CRACR2A: variants seen among roughly 807,000 people sequenced by gnomAD.
CRACR2A encodes calcium release activated channel regulator 2A.
CRACR2A carries 79 observed loss-of-function variants against 90.5 expected under a neutral mutation model. The observed-to-expected ratio is 0.87, with a 90% CI of 0.73 to 1.05. The LOEUF (loss-of-function observed/expected upper bound fraction) is 1.05, where lower values mean the gene tolerates loss of function less well. CRACR2A is among the 50% of genes least tolerant of loss of function. The pLI, the probability that CRACR2A is intolerant of heterozygous loss-of-function variation, is 0.00. For missense variants in CRACR2A, 823 were observed against 897.2 expected, an observed-to-expected ratio of 0.92 and a Z score of 1.06; for synonymous variants, 338 against 356.7, an observed-to-expected ratio of 0.95 and a Z score of 0.59.
At chr12:3,693,751 CA>C (rs1300596091) in intron 4 of CRACR2A, among the ~76,000 whole-genome samples, 1 of 152,086 alleles carries the variant, frequency 6.6e-6, no homozygotes, top group Non-Finnish European at 1.5e-5. Context: ...TTTTTTCTTT[CA>C]TTTCAGTCTT....
intron 8 of CRACR2A, among the ~76,000 whole-genome samples, chr12:3,657,097 T>G (rs1944924665): frequency 6.6e-6 from 1 of 152,186 alleles, no homozygotes; most frequent in African/African-American, 2.4e-5. Flanking sequence ...TGCCTGATGC[T>G]CTCAGCAGAG....
At chr12:3,690,186 C>T (rs915509431) in intron 4 of CRACR2A, among the ~76,000 whole-genome samples, 2 of 151,672 alleles carry the variant, frequency 1.3e-5, no homozygotes, top group African/African-American at 4.8e-5. Flanking sequence ...ATGGTTATTT[C>T]TTGTCTTCTG....
At chr12:3,673,155 TAATA>T (rs1945279771) in intron 7 of CRACR2A, among the ~76,000 whole-genome samples, 1 of 152,196 alleles carries the variant, frequency 6.6e-6, no homozygotes, top group Non-Finnish European at 1.5e-5. Context: ...AATGTGCAGA[TAATA>T]AATGTGCAAA....
intron 2 of CRACR2A, among the ~76,000 whole-genome samples, chr12:3,720,056 T>A (rs1337486111): frequency 2.0e-5 from 3 of 151,108 alleles, no homozygotes; most frequent in African/African-American, 7.3e-5. Context: ...GAGGCAGAAG[T>A]TGCAGTGAGC....
At chr12:3,629,683 T>C (rs10735026) in intron 15 of CRACR2A, among the ~76,000 whole-genome samples, 96,755 of 151,980 alleles carry the variant, frequency 0.64, 30,892 homozygotes, top group Admixed American at 0.7. Context: ...GGGAGTGAGA[T>C]GGGCAAAAGA....
At chr12:3,667,394 G>A (rs764990752) in intron 7 of CRACR2A, among the ~76,000 whole-genome samples, 9 of 152,186 alleles carry the variant, frequency 5.9e-5, no homozygotes, top group South Asian at 2.1e-4. Flanking sequence ...CAACTGGGGA[G>A]TGAGCACGAA....
intron 7 of CRACR2A, among the ~76,000 whole-genome samples, chr12:3,661,247 C>G (rs1208328683): frequency 6.6e-6 from 1 of 152,216 alleles, no homozygotes; most frequent in Non-Finnish European, 1.5e-5. Context: ...ATCCTTCCAG[C>G]TTTACAGAAA....
At chr12:3,648,753 C>T in intron 10 of CRACR2A, 140 bp from the exon 11 acceptor site, 1 of 1,236,780 alleles carries the variant, frequency 8.1e-7, no homozygotes, top group African/African-American at 1.5e-5. Flanking sequence ...TGGAGAGCTC[C>T]TACAGTATGC....
chr12:3,661,407 G>A (rs1291227361), intron 7 of CRACR2A, among the ~76,000 whole-genome samples: 1 of 152,162 alleles, frequency 6.6e-6, no homozygotes, highest in Non-Finnish European at 1.5e-5. Flanking sequence ...ACGGTCCAGG[G>A]TGGGCTCAGC....
intron 2 of CRACR2A, 28 bp downstream of exon 2, chr12:3,732,914 C>T (rs1164241965): frequency 6.6e-6 from 1 of 152,244 alleles, no homozygotes; most frequent in Non-Finnish European, 1.5e-5. Context: ...TCCCAGTACC[C>T]CCTGAATCCA....
chr12:3,666,354 T>TGTGTGTGTGTGTGC (rs372810487), intron 7 of CRACR2A, among the ~76,000 whole-genome samples: 56 of 145,052 alleles, frequency 3.9e-4, no homozygotes, highest in South Asian at 2.7e-3. Flanking sequence ...TGTGTGTGTG[T>TGTGTGTGTGTGTGC]GCGTGCGTGT....
intron 17 of CRACR2A, among the ~76,000 whole-genome samples, chr12:3,620,168 G>T (rs998342147): frequency 3.3e-5 from 5 of 152,264 alleles, no homozygotes; most frequent in Admixed American, 1.3e-4. Flanking sequence ...AAGGGGCACC[G>T]TGTGTGTCTC....
chr12:3,749,106 T>A (rs934765944), intron 1 of CRACR2A, among the ~76,000 whole-genome samples: 1 of 152,176 alleles, frequency 6.6e-6, no homozygotes, highest in African/African-American at 2.4e-5. Flanking sequence ...CTCAGTTAAC[T>A]TTTCTATAAA....
chr12:3,701,357 C>T (rs1462337338), intron 3 of CRACR2A, among the ~76,000 whole-genome samples: 2 of 151,246 alleles, frequency 1.3e-5, no homozygotes, highest in Non-Finnish European at 2.9e-5. Flanking sequence ...TAATAAGGAT[C>T]GGAGAAGAAA....
rs749067008 is a variant in CRACR2A at position 3,696,969 on chromosome 12, T to C, written c.31A>G (p.Arg11Gly). The change falls in exon 4 of 20, where the codon AGA becomes GGA. Residue 11 changes from arginine to glycine, a missense_variant. Arg to Gly is a moderately radical substitution (Grantham distance 125, BLOSUM62 -2). Transcript: ENST00000440314. MAAPDGRVVS[R>G]PQRLGQGSGQ... ...GACCCCTGACCAAGTCTCTGGGGTCTGGAGACTACCCTCCCGTCAGGGGCA... is the reference window on the plus strand; with the variant it reads ...GACCCCTGACCAAGTCTCTGGGGTCCGGAGACTACCCTCCCGTCAGGGGCA... 6.2e-7 allele frequency: 1 copy of C among 1,613,924 alleles called. No homozygotes were observed. The highest frequency in any genetic ancestry group is 1.1e-5 in the South Asian group (1 of 91,042).
chr12:3,678,929 T>C lies in CRACR2A; in HGVS notation c.510A>G (p.Gln170=), dbSNP rs770575102. The change falls in exon 6 of 20, where the codon CAA becomes CAG. Residue 170 remains glutamine (Q), a synonymous_variant. Transcript: ENST00000440314. The part of the protein sequence containing the change: ...FRMLMDRLGA[Q]KVLEDESDVK... ...TCACCACTTACTCTTCCAACACCTT[T>C]TGGGCTCCAAGTCTGTCCATCAGCA... The C allele has an allele frequency of 1.2e-6, 2 of 1,608,824 alleles. No homozygotes were observed. Among genetic ancestry groups the C allele is most frequent in the South Asian group, 1.1e-5 (1 of 89,682 alleles).
intron 17 of CRACR2A, among the ~76,000 whole-genome samples, chr12:3,626,969 ATGGTG>A (rs1467806798): frequency 1.3e-5 from 2 of 152,128 alleles, no homozygotes; most frequent in Non-Finnish European, 2.9e-5. Context: ...CAAACATTGC[ATGGTG>A]TGGCTCCCGG....
rs1371401368 is a variant in CRACR2A at position 3,633,741 on chromosome 12, G to A, written c.1603-5C>T. The A allele has an allele frequency of 1.3e-6, 2 of 1,551,634 alleles. No homozygotes were observed. Among genetic ancestry groups the A allele is most frequent in the Non-Finnish European group, 8.7e-7 (1 of 1,146,990 alleles). On this transcript the variant is annotated splice_polypyrimidine_tract_variant and splice_region_variant and intron_variant, in intron 14 of 19. Coordinates refer to ENST00000440314, the MANE Select transcript of CRACR2A (RefSeq NM_001144958.2). This position sits in a 1 kb window ranked among gnomAD's most constrained non-coding sequence, Gnocchi z 4.5. ...GGCAGAGGGAGAGCTTTCCTCCTGT[G>A]GATGGCACACAATCTGACCAACTGC...
intron 3 of CRACR2A, among the ~76,000 whole-genome samples, chr12:3,705,498 T>A (rs146213944): frequency 2.0e-3 from 304 of 152,298 alleles, no homozygotes; most frequent in Non-Finnish European, 3.3e-3. Flanking sequence ...CAGATTTCCC[T>A]TGAATGTCTC....
Sources: gnomAD v4.1 joint callset for allele counts (sites outside exome capture counted in the v4.1 genomes callset) on GRCh38, gnomAD v4.1.1 for gene constraint, Gnocchi (gnomAD v3.1) non-coding constraint, MANE v1.5 for transcripts, NCBI Gene and HGNC (gene_info 2026-07-23, HGNC 2026-07-21) for gene names.